ADAMTS2: variants seen among roughly 807,000 people sequenced by gnomAD.
ADAMTS2 encodes the protein A disintegrin and metalloproteinase with thrombospondin motifs 2.
ADAMTS2 carries 50 observed loss-of-function variants against 123.0 expected under a neutral mutation model. That is an observed-to-expected ratio of 0.41 (90% CI 0.32 to 0.51). ADAMTS2 has a LOEUF of 0.51. Ranked by LOEUF, ADAMTS2 falls within the 20% of genes least tolerant of loss-of-function variation. The pLI is 0.35. For missense variants in ADAMTS2, 1,494 were observed against 1,705.2 expected, an observed-to-expected ratio of 0.88 and a Z score of 2.18; for synonymous variants, 678 against 695.4, an observed-to-expected ratio of 0.98 and a Z score of 0.39.
chr5:179,144,267 C>A (rs548613539), intron 10 of ADAMTS2, among the ~76,000 whole-genome samples: 1 of 152,312 alleles, frequency 6.6e-6, no homozygotes, highest in South Asian at 2.1e-4. Context: ...TACAATACAT[C>A]ATTGAAAGAA....
At position 179,152,271 on chromosome 5, in the gene ADAMTS2, A is replaced by T. The variant is rs1763376206; in HGVS notation, c.1516-16T>A. 6.2e-7 allele frequency: 1 copy of T among 1,612,676 alleles called. No homozygotes were observed. Among genetic ancestry groups the T allele is most frequent in the East Asian group, 2.2e-5 (1 of 44,840 alleles). On this transcript the variant is annotated splice_polypyrimidine_tract_variant and intron_variant, in intron 9 of 21. Transcript: ENST00000251582. ...AGGTCCGGAACTGGAAGACAGCACCATAGCTTGCCAGGTCCCTCCCACCTC... is the reference window on the plus strand; with the variant it reads ...AGGTCCGGAACTGGAAGACAGCACCTTAGCTTGCCAGGTCCCTCCCACCTC...
In ADAMTS2 at chr5:179,155,409, C is replaced by T. The variant is rs1763448632; in HGVS notation, c.1133-490G>A. The stretch of plus-strand genomic sequence containing the variant: ...TCTGGGGGGCGTTTCTTGGGTCTCC[C>T]CGTGTTTCTCTGGGGTCCTTGAGAC... On this transcript the variant is annotated intron_variant, in intron 6 of 21. Transcript: ENST00000251582. The surrounding 1 kb of genome is among the most constrained non-coding windows in gnomAD (Gnocchi z 5.1). Among the ~76,000 whole-genome samples, 1 of 152,342 alleles carries T rather than the reference C, an allele frequency of 6.6e-6. No homozygotes were observed.
chr5:179,273,150 C>T, intron 2 of ADAMTS2, 86 bp from the exon 3 acceptor site: 1 of 1,590,848 alleles, frequency 6.3e-7, no homozygotes, highest in Non-Finnish European at 8.6e-7. Flanking sequence ...TCAGGGAGTA[C>T]CTCCCACCTG....
At position 179,307,264 on chromosome 5, in the gene ADAMTS2, A is replaced by G. The variant is rs1027032535; in HGVS notation, c.535-34200T>C. Among the ~76,000 whole-genome samples the G allele has an allele frequency of 2.6e-5, 4 of 152,112 alleles. No individual in the cohort carries two copies. Among genetic ancestry groups the G allele is most frequent in the Non-Finnish European group, 4.4e-5 (3 of 68,006 alleles). On this transcript the variant is annotated intron_variant, in intron 2 of 21. Transcript: ENST00000251582. The surrounding 1 kb of genome is among the most constrained non-coding windows in gnomAD (Gnocchi z 5.6). The stretch of plus-strand genomic sequence containing the variant: ...TGCTGTGAGAGCATCGCACCCTGCA[A>G]GCCTCAGCCTTCAGGGACGGCAAGA...
At chr5:179,221,862 C>T (rs902957164) in intron 3 of ADAMTS2, among the ~76,000 whole-genome samples, 4 of 152,180 alleles carry the variant, frequency 2.6e-5, no homozygotes, top group Non-Finnish European at 5.9e-5. Context: ...ACCACATGTC[C>T]TCCTTCCCTC....
intron 4 of ADAMTS2, among the ~76,000 whole-genome samples, chr5:179,191,045 G>C (rs1764293699): frequency 6.6e-6 from 1 of 152,258 alleles, no homozygotes; most frequent in East Asian, 1.9e-4. Flanking sequence ...CCGCTGACCG[G>C]ATGCCTCATC....
At position 179,189,070 on chromosome 5, in the gene ADAMTS2, C is replaced by G. The variant is rs1366995837; in HGVS notation, c.892-7915G>C. On this transcript the variant is annotated intron_variant, in intron 4 of 21. Coordinates refer to ENST00000251582, the MANE Select transcript of ADAMTS2 (RefSeq NM_014244.5). The surrounding 1 kb of genome is among the most constrained non-coding windows in gnomAD (Gnocchi z 4.2). Reference sequence around the variant, plus strand: ...GCTCTGCCACAATCCTGCTGCGTGACTTGGGGCCAGTTACTTAACCTGTCT... The same window carrying G: ...GCTCTGCCACAATCCTGCTGCGTGAGTTGGGGCCAGTTACTTAACCTGTCT... 2.0e-5 allele frequency among the ~76,000 whole-genome samples: 3 copies of G among 152,196 alleles called. No individual in the cohort carries two copies. Among genetic ancestry groups the G allele is most frequent in the African/African-American group, 7.2e-5 (3 of 41,442 alleles).
intron 5 of ADAMTS2, among the ~76,000 whole-genome samples, chr5:179,160,105 T>C (rs1202837730): frequency 1.3e-5 from 2 of 152,214 alleles, no homozygotes; most frequent in Non-Finnish European, 2.9e-5. Flanking sequence ...GCAGGTGTTT[T>C]TTCTCTTGCA....
At chr5:179,280,364 C>T (rs548096294) in intron 2 of ADAMTS2, among the ~76,000 whole-genome samples, 16 of 152,178 alleles carry the variant, frequency 1.1e-4, no homozygotes, top group Admixed American at 5.9e-4. Flanking sequence ...GTTTCCAATG[C>T]GGTCATGGCC....
At position 179,344,177 on chromosome 5, in the gene ADAMTS2, G is replaced by T; in HGVS notation, c.140-16C>A. ...AGGGGCCCGCCTGCAACGGGAAGGG[G>T]CGTTAGATCGGCGGAGACCACGGAG... On this transcript the variant is annotated splice_polypyrimidine_tract_variant and intron_variant, in intron 1 of 21. Transcript: ENST00000251582. 6.3e-7 allele frequency: 1 copy of T among 1,584,552 alleles called. No individual in the cohort carries two copies. The highest frequency in any genetic ancestry group is 8.6e-7 in the Non-Finnish European group (1 of 1,167,860).
At chr5:179,125,328 T>G in intron 18 of ADAMTS2, 148 bp from the exon 19 acceptor site, 1 of 699,990 alleles carries the variant, frequency 1.4e-6, no homozygotes, top group Non-Finnish European at 2.5e-6. Flanking sequence ...TCTCTTATTC[T>G]CACTAAGATG....
chr5:179,280,758 T>C (rs1194922309), intron 2 of ADAMTS2, among the ~76,000 whole-genome samples: 2 of 152,176 alleles, frequency 1.3e-5, no homozygotes, highest in African/African-American at 4.8e-5. Context: ...AGAGAGCTGG[T>C]AAAGATCTGT....
At chr5:179,173,041 CAAAA>C (rs1228973444) in intron 5 of ADAMTS2, among the ~76,000 whole-genome samples, 1 of 122,010 alleles carries the variant, frequency 8.2e-6, no homozygotes, top group African/African-American at 3.1e-5. Context: ...CCTGTCTCTA[CAAAA>C]AAAAAAAGAA....
At chr5:179,293,487 C>T (rs1481700647) in intron 2 of ADAMTS2, among the ~76,000 whole-genome samples, 4 of 152,238 alleles carry the variant, frequency 2.6e-5, no homozygotes, top group African/African-American at 4.8e-5. Flanking sequence ...AGTGTGCCAA[C>T]GCCTCCGGGC....
chr5:179,251,539 G>A (rs1765926186), intron 3 of ADAMTS2, among the ~76,000 whole-genome samples: 2 of 152,036 alleles, frequency 1.3e-5, no homozygotes, highest in Admixed American at 6.6e-5. Flanking sequence ...TGGCCTTCTG[G>A]GGTGTCTCTG....
Position 179,307,441 on chromosome 5 carries a change from A to G in ADAMTS2, c.535-34377T>C, listed in dbSNP as rs1185462555. Among the ~76,000 whole-genome samples the G allele has an allele frequency of 2.6e-5, 4 of 151,982 alleles. No homozygotes were observed. Among genetic ancestry groups the G allele is most frequent in the Admixed American group, 6.6e-5 (1 of 15,242 alleles). On this transcript the variant is annotated intron_variant, in intron 2 of 21. Transcript: ENST00000251582. The surrounding 1 kb of genome is among the most constrained non-coding windows in gnomAD (Gnocchi z 5.6). ...ACAGCCCGGTCCGGGGGGCACCACC[A>G]CGCAGGGGCTTCCCGGGTCATGCTG... is the stretch of plus-strand genomic sequence containing the variant.
In ADAMTS2 at chr5:179,129,985, C is replaced by A. The variant is rs537171944; in HGVS notation, c.2404G>T (p.Gly802Cys). The A allele has an allele frequency of 6.2e-7, 1 of 1,614,116 alleles. No individual in the cohort carries two copies. The highest frequency in any genetic ancestry group is 1.1e-5 in the South Asian group (1 of 91,088). ...CCCATGGTCTGCAGCGTCTCCCGGC[C>A]GTCCTCGTCTCTGTACTCCCACTCC... The part of the protein sequence containing the change: ...GVEWEYRDED[G>C]RETLQTMGPL... Residue 802 changes from glycine (G) to cysteine (C), a missense_variant, in exon 16 of 22, where the codon GGC becomes TGC. Around this residue, in one of 6 missense-constraint regions of ADAMTS2, gnomAD observed 953 missense variants for 1,124.7 expected, o/e 0.85. Coordinates refer to ENST00000251582, the MANE Select transcript of ADAMTS2 (RefSeq NM_014244.5). This position sits in a 1 kb window ranked among gnomAD's most constrained non-coding sequence, Gnocchi z 4.1.
Position 179,143,083 on chromosome 5 carries a change from C to T in ADAMTS2, c.1630-3048G>A, listed in dbSNP as rs555064776. Among the ~76,000 whole-genome samples, 99 of 152,240 alleles carry T rather than the reference C, an allele frequency of 6.5e-4. 1 individual carries two copies. Among genetic ancestry groups the T allele is most frequent in the African/African-American group, 2.3e-3 (96 of 41,528 alleles). On this transcript the variant is annotated intron_variant, in intron 10 of 21. Coordinates refer to ENST00000251582, the MANE Select transcript of ADAMTS2 (RefSeq NM_014244.5). ...ATGTCTAAAGAACTAAAGGAGAGTA[C>T]AGGAATGACGTGTCACCAAATGGAG...
chr5:179,325,805 C>T (rs1026255846), intron 2 of ADAMTS2, among the ~76,000 whole-genome samples: 4 of 152,270 alleles, frequency 2.6e-5, no homozygotes, highest in African/African-American at 7.2e-5. Context: ...GCTTCTGCCC[C>T]GGTTTTCTGT....
Sources: allele counts gnomAD v4.1 joint callset (sites outside exome capture counted in the v4.1 genomes callset), GRCh38; gene constraint gnomAD v4.1.1; regional missense constraint gnomAD v4.1.1; non-coding constraint Gnocchi (gnomAD v3.1); transcripts MANE v1.5; gene names NCBI Gene and HGNC (gene_info 2026-07-23, HGNC 2026-07-21).